Variants in MORN4 observed in about 807,000 individuals in gnomAD.
MORN4 encodes MORN repeat containing 4, also known as MORN repeat-containing protein 4.
A neutral mutation model predicts 16.4 loss-of-function variants in MORN4; 8 were observed. The ratio of observed to expected loss-of-function variants is 0.49; its 90% CI spans 0.29 to 0.88. The LOEUF (loss-of-function observed/expected upper bound fraction) is 0.88. MORN4 is among the 40% of genes least tolerant of loss of function. MORN4 has a pLI of 0.09. For missense variants in MORN4, 159 were observed against 182.9 expected, an observed-to-expected ratio of 0.87 and a Z score of 0.75; for synonymous variants, 53 against 68.9, an observed-to-expected ratio of 0.77 and a Z score of 1.14.
intron 1 of MORN4, among the ~76,000 whole-genome samples, chr10:97,623,713 C>A (rs77255941): frequency 0.015 from 2,193 of 151,208 alleles, 131 homozygotes; most frequent in East Asian, 0.14. Flanking sequence ...GCTCCCAGCT[C>A]AAAACAAGAC....
intron 1 of MORN4, among the ~76,000 whole-genome samples, chr10:97,627,138 CTT>C: frequency 6.8e-6 from 1 of 146,228 alleles, no homozygotes; most frequent in African/African-American, 2.5e-5. Flanking sequence ...ACCTGAACAC[CTT>C]TTTTTTTTTG....
At position 97,617,305 on chromosome 10, in the gene MORN4, C is replaced by T; in HGVS notation, c.85G>A (p.Gly29Ser). The change falls in exon 3 of 5, where the codon GGT becomes AGT. Residue 29 changes from glycine to serine, a missense_variant. Physicochemically the swap from Gly to Ser is moderately conservative, Grantham distance 56. Coordinates refer to ENST00000307450, the MANE Select transcript of MORN4 (RefSeq NM_178832.4). Reference sequence around the variant, plus strand: ...CCACCATCTGCAAACATCAGTTGACCAAAACCATGCCTGCGGCCTGAACAA... The same window carrying T: ...CCACCATCTGCAAACATCAGTTGACTAAAACCATGCCTGCGGCCTGAACAA... ...EWKEGRRHGF[G>S]QLMFADGGTY... is the part of the protein sequence containing the mutation. 1 of 1,614,090 alleles carries T rather than the reference C, an allele frequency of 6.2e-7. No homozygotes were observed. The highest frequency in any genetic ancestry group is 8.5e-7 in the Non-Finnish European group (1 of 1,179,966).
intron 1 of MORN4, among the ~76,000 whole-genome samples, chr10:97,632,703 A>ATTTTTT (rs552637866): frequency 7.0e-6 from 1 of 143,312 alleles, no homozygotes; most frequent in Non-Finnish European, 1.5e-5. Flanking sequence ...CGCCAAAAAG[A>ATTTTTT]TTTTTTTTTT....
At position 97,633,241 on chromosome 10, in the gene MORN4, G is replaced by A; in HGVS notation, c.-31+106C>T. 1.7e-6 allele frequency: 2 copies of A among 1,205,698 alleles called. No homozygotes were observed. Among genetic ancestry groups the A allele is most frequent in the Non-Finnish European group, 2.1e-6 (2 of 932,434 alleles). 74.7% of individuals were successfully genotyped at this position (1,205,698 alleles called of 1,614,324 possible). On this transcript the variant is annotated intron_variant, in intron 1 of 4. Coordinates refer to ENST00000307450, the MANE Select transcript of MORN4 (RefSeq NM_178832.4). The surrounding 1 kb of genome is among the most constrained non-coding windows in gnomAD (Gnocchi z 4.5). ...CCGCCCTCAGGTCAGCGTATCCGAG[G>A]TGGAGCCGCGCCCCCGAGCCGGGTC... is the stretch of plus-strand genomic sequence containing the variant.
At chr10:97,619,417 C>A in intron 2 of MORN4, 170 bp downstream of exon 2, 1 of 623,626 alleles carries the variant, frequency 1.6e-6, no homozygotes, top group South Asian at 1.9e-5. Flanking sequence ...ATAGCATTTT[C>A]AAATTCCTTT....
intron 1 of MORN4, among the ~76,000 whole-genome samples, chr10:97,627,374 C>T (rs1463816256): frequency 6.6e-6 from 1 of 152,124 alleles, no homozygotes; most frequent in Admixed American, 6.6e-5. Context: ...GAACTCCTGG[C>T]CTCATGTGAT....
intron 1 of MORN4, among the ~76,000 whole-genome samples, chr10:97,631,982 C>T (rs1044331853): frequency 6.6e-6 from 1 of 151,872 alleles, no homozygotes; most frequent in South Asian, 2.1e-4. Flanking sequence ...AAGGTTGGGG[C>T]GGTGGGGGAG....
At chr10:97,620,584 T>C (rs2041281645) in intron 1 of MORN4, among the ~76,000 whole-genome samples, 1 of 151,628 alleles carries the variant, frequency 6.6e-6, no homozygotes, top group African/African-American at 2.4e-5. Flanking sequence ...ACACGAGATG[T>C]TCCATGGCAA....
chr10:97,630,083 C>T (rs907401939), intron 1 of MORN4, among the ~76,000 whole-genome samples: 31 of 152,106 alleles, frequency 2.0e-4, no homozygotes, highest in Admixed American at 9.2e-4. Flanking sequence ...CGCCACCATG[C>T]CCAGCTAATT....
At chr10:97,631,831 A>G (rs2041398173) in intron 1 of MORN4, among the ~76,000 whole-genome samples, 1 of 152,164 alleles carries the variant, frequency 6.6e-6, no homozygotes, top group East Asian at 1.9e-4. Flanking sequence ...GCTACTCAGG[A>G]GGCTGAGGTA....
Position 97,619,587 on chromosome 10 carries a change from C to G in MORN4, c.67G>C (p.Gly23Arg). The change falls in exon 2 of 5, where the codon GGC becomes CGC. Residue 23 changes from glycine (G) to arginine (R), a missense_variant and splice_region_variant. Coordinates refer to ENST00000307450, the MANE Select transcript of MORN4 (RefSeq NM_178832.4). ...GEEYRGEWKEGRRHGFGQLMF... is the reference protein window; with the variant it reads ...GEEYRGEWKERRRHGFGQLMF... ...GATACTCCCCAGGGGTCCTTCTCACCCTCCTTCCACTCGCCACGATATTCC... is the reference window on the plus strand; with the variant it reads ...GATACTCCCCAGGGGTCCTTCTCACGCTCCTTCCACTCGCCACGATATTCC... 1 of 1,612,112 alleles carries G rather than the reference C, an allele frequency of 6.2e-7. No individual in the cohort carries two copies. Among genetic ancestry groups the G allele is most frequent in the Non-Finnish European group, 8.5e-7 (1 of 1,178,164 alleles).
At chr10:97,619,240 G>A (rs542685684) in intron 2 of MORN4, among the ~76,000 whole-genome samples, 2 of 152,188 alleles carry the variant, frequency 1.3e-5, no homozygotes, top group East Asian at 1.9e-4. Context: ...CACGAGAATC[G>A]CTTGAACCCA....
In MORN4 at chr10:97,633,129, T is replaced by C. The variant is rs921515066; in HGVS notation, c.-31+218A>G. Among the ~76,000 whole-genome samples the C allele has an allele frequency of 6.6e-6, 1 of 152,040 alleles. No homozygotes were observed. The highest frequency in any genetic ancestry group is 1.5e-5 in the Non-Finnish European group (1 of 67,998). On this transcript the variant is annotated intron_variant, in intron 1 of 4. Coordinates refer to ENST00000307450, the MANE Select transcript of MORN4 (RefSeq NM_178832.4). The surrounding 1 kb of genome is among the most constrained non-coding windows in gnomAD (Gnocchi z 4.5). ...CCTGATGCAACCCTCCACCCTCTGC[T>C]CGCTAACCCCAGTCCAGTCAGCTCT...
intron 1 of MORN4, among the ~76,000 whole-genome samples, chr10:97,622,051 T>G (rs1040608922): frequency 1.3e-5 from 2 of 152,198 alleles, no homozygotes; most frequent in African/African-American, 4.8e-5. Flanking sequence ...GAGTCCAATC[T>G]AGTCTACTGG....
intron 1 of MORN4, among the ~76,000 whole-genome samples, chr10:97,629,208 A>G (rs989074967): frequency 6.6e-6 from 1 of 152,024 alleles, no homozygotes; most frequent in Non-Finnish European, 1.5e-5. Context: ...ACCAACATGG[A>G]GAAACCCCAT....
Position 97,616,237 on chromosome 10 carries a change from C to T in MORN4, c.*26G>A, listed in dbSNP as rs778533755. The T allele has an allele frequency of 3.9e-6, 6 of 1,546,176 alleles. No homozygotes were observed. Among genetic ancestry groups the T allele is most frequent in the Admixed American group, 2.0e-5 (1 of 49,120 alleles). ...ACAGGGGCACTGGCTTTACCCAATA[C>T]TTATCAGCTGGTGCCCACTGCGCTG... is the stretch of plus-strand genomic sequence containing the variant. On this transcript the variant is annotated 3_prime_UTR_variant, in exon 5 of 5. Transcript: ENST00000307450.
rs532235160 is a variant in MORN4, at chr10:97,621,120, C to T, written c.-30-1437G>A. Among the ~76,000 whole-genome samples the T allele has an allele frequency of 2.2e-4, 30 of 134,980 alleles. No individual in the cohort carries two copies. The East Asian group carries it at 5.7e-3, about 26-fold the overall frequency. The allele number at this position is 134,980 out of a possible 152,430, so 88.6% of individuals were successfully genotyped here. A position where few individuals can be genotyped will look rare whatever the true frequency, so the allele number is the denominator to read the frequency against. On this transcript the variant is annotated intron_variant, in intron 1 of 4. Transcript: ENST00000307450. Reference sequence around the variant, plus strand: ...TGGGTGACAGAGCAAGACTCTGTCTCGAGAAATAAATAAATAAATAAATAA... The same window carrying T: ...TGGGTGACAGAGCAAGACTCTGTCTTGAGAAATAAATAAATAAATAAATAA...
rs919015716 is a variant in MORN4 at position 97,615,927 on chromosome 10, A to C, written c.*336T>G. ...ACGAAGGTTCTGTATCACTTGGCAG[A>C]AAATGAAGCAGAAGGGTCACAGCAG... On this transcript the variant is annotated 3_prime_UTR_variant, in exon 5 of 5. Transcript: ENST00000307450. 1.7e-5 allele frequency: 3 copies of C among 177,334 alleles called. No individual in the cohort carries two copies. The highest frequency in any genetic ancestry group is 2.4e-5 in the Non-Finnish European group (2 of 85,088). 11.0% of individuals were successfully genotyped at this position (177,334 alleles called of 1,614,324 possible).
At chr10:97,625,430 G>C (rs1589921875) in intron 1 of MORN4, among the ~76,000 whole-genome samples, 1 of 152,208 alleles carries the variant, frequency 6.6e-6, no homozygotes, top group African/African-American at 2.4e-5. Context: ...CTGAGAGTCA[G>C]TGGGTGACAG....
Sources: gnomAD v4.1 joint callset for allele counts (sites outside exome capture counted in the v4.1 genomes callset) on GRCh38, gnomAD v4.1.1 for gene constraint, Gnocchi (gnomAD v3.1) non-coding constraint, MANE v1.5 for transcripts, NCBI Gene and HGNC (gene_info 2026-07-23, HGNC 2026-07-21) for gene names.